Variants in ARL6IP5 observed in about 807,000 individuals in gnomAD.
ARL6IP5 encodes ARF like GTPase 6 interacting protein 5.
In ARL6IP5, 6 loss-of-function variants were observed where a neutral mutation model predicts 13.0. The observed-to-expected ratio is 0.46, with a 90% CI of 0.25 to 0.91. ARL6IP5 has a LOEUF of 0.91. Ranked by LOEUF, ARL6IP5 falls within the 40% of genes least tolerant of loss-of-function variation. The probability of loss-of-function intolerance (pLI) is 0.17; values close to 1 mark genes in which losing one functional copy is unlikely to be tolerated. For missense variants in ARL6IP5, 208 were observed against 248.8 expected (o/e 0.84, Z 1.10); for synonymous variants, 91 against 91.9 (o/e 0.99, Z 0.06).
intron 1 of ARL6IP5, among the ~76,000 whole-genome samples, chr3:69,092,510 C>T (rs1409670962): frequency 2.0e-5 from 3 of 152,188 alleles, no homozygotes; most frequent in Non-Finnish European, 2.9e-5. Context: ...CTCTCTGCAT[C>T]GCCCAAGCTG....
intron 1 of ARL6IP5, among the ~76,000 whole-genome samples, chr3:69,094,383 G>A (rs1042852737): frequency 9.9e-5 from 15 of 152,092 alleles, no homozygotes; most frequent in African/African-American, 1.4e-4. Context: ...GGCAGGCAGG[G>A]GCCAGACCCT....
intron 1 of ARL6IP5, among the ~76,000 whole-genome samples, chr3:69,092,596 A>C (rs2092271556): frequency 6.6e-6 from 1 of 152,196 alleles, no homozygotes; most frequent in Admixed American, 6.5e-5. Context: ...TTAGCCTCCA[A>C]GTAGCTGGGA....
chr3:69,093,401 T>G (rs1575859972), intron 1 of ARL6IP5, among the ~76,000 whole-genome samples: 1 of 152,222 alleles, frequency 6.6e-6, no homozygotes, highest in African/African-American at 2.4e-5. Flanking sequence ...TTTTACCTAC[T>G]GTACAGTCTC....
At chr3:69,093,313 C>T (rs889210384) in intron 1 of ARL6IP5, among the ~76,000 whole-genome samples, 3 of 152,150 alleles carry the variant, frequency 2.0e-5, no homozygotes, top group East Asian at 3.9e-4. Context: ...AATAAATCCT[C>T]TAGGCCTTCC....
intron 1 of ARL6IP5, among the ~76,000 whole-genome samples, chr3:69,100,791 A>T (rs2092302743): frequency 6.6e-6 from 1 of 151,996 alleles, no homozygotes; most frequent in Non-Finnish European, 1.5e-5. Context: ...AAATAAAAAA[A>T]AAAAAAAAAG....
At position 69,085,324 on chromosome 3, in the gene ARL6IP5, C is replaced by T. The variant is rs542239988; in HGVS notation, c.176+101C>T. ...TGTAGAGACGCTCTCTGACCACGCT[C>T]AGCGCCTGCCCTGGCAATTCTGCAA... On this transcript the variant is annotated intron_variant, in intron 1 of 2. Coordinates refer to ENST00000273258, the MANE Select transcript of ARL6IP5 (RefSeq NM_006407.4). 49 of 1,403,942 alleles carry T rather than the reference C, an allele frequency of 3.5e-5. No individual in the cohort carries two copies. In the Admixed American group the frequency reaches 7.0e-4, roughly 20 times the overall value. The allele number at this position is 1,403,942 out of a possible 1,614,324, so 87.0% of individuals were successfully genotyped here.
At position 69,101,926 on chromosome 3, in the gene ARL6IP5, C is replaced by T. The variant is rs780278878; in HGVS notation, c.264C>T (p.Asp88=). ...TTGTGTGGGCAGCCCACAATAAAGA[C>T]GTCCTTCGCCGGATGAAGAAGCGCT... ...TGFVWAAHNK[D]VLRRMKKRYP... Residue 88 remains aspartate (D), a synonymous_variant, in exon 2 of 3, where the codon GAC becomes GAT. Coordinates refer to ENST00000273258, the MANE Select transcript of ARL6IP5 (RefSeq NM_006407.4). The T allele has an allele frequency of 6.8e-6, 11 of 1,613,910 alleles. No homozygotes were observed. In the East Asian group the frequency reaches 8.9e-5, roughly 13 times the overall value.
At position 69,104,743 on chromosome 3, in the gene ARL6IP5, C is replaced by A; in HGVS notation, c.*107C>A. 8.1e-7 allele frequency: 1 copy of A among 1,228,154 alleles called. No homozygotes were observed. The highest frequency in any genetic ancestry group is 1.2e-6 in the Non-Finnish European group (1 of 855,104). The allele number at this position is 1,228,154 out of a possible 1,614,324, so 76.1% of individuals were successfully genotyped here. ...TTGAAACAGGAGGTGCACGTACCAC[C>A]CAATTATCTATGGCAGCATGCATGT... is the stretch of plus-strand genomic sequence containing the variant. On this transcript the variant is annotated 3_prime_UTR_variant, in exon 3 of 3. Coordinates refer to ENST00000273258, the MANE Select transcript of ARL6IP5 (RefSeq NM_006407.4).
chr3:69,087,187 AT>A (rs963425476), intron 1 of ARL6IP5, among the ~76,000 whole-genome samples: 1 of 151,530 alleles, frequency 6.6e-6, no homozygotes, highest in African/African-American at 2.4e-5. Context: ...AGCCTGGCTA[AT>A]TTTTTTTAGA....
chr3:69,090,320 C>T (rs1431487513), intron 1 of ARL6IP5, among the ~76,000 whole-genome samples: 1 of 152,184 alleles, frequency 6.6e-6, no homozygotes, highest in Non-Finnish European at 1.5e-5. Flanking sequence ...ATTTGTGTTG[C>T]TTCATTCATT....
intron 1 of ARL6IP5, among the ~76,000 whole-genome samples, chr3:69,088,397 C>A (rs2092254542): frequency 2.6e-5 from 4 of 152,180 alleles, no homozygotes. Flanking sequence ...ATGGTTCCAT[C>A]CCCTGCTGGT....
intron 1 of ARL6IP5, among the ~76,000 whole-genome samples, chr3:69,092,722 G>A (rs1207866142): frequency 1.3e-5 from 2 of 151,774 alleles, no homozygotes; most frequent in Admixed American, 6.6e-5. Context: ...GTTTCACCAT[G>A]TTGGCCAGGC....
chr3:69,086,107 C>A (rs1392374608), intron 1 of ARL6IP5, among the ~76,000 whole-genome samples: 2 of 152,218 alleles, frequency 1.3e-5, no homozygotes, highest in Non-Finnish European at 2.9e-5. Flanking sequence ...TTATAAAGGA[C>A]TCACTTGCAC....
intron 1 of ARL6IP5, among the ~76,000 whole-genome samples, chr3:69,095,340 T>G (rs2092283495): frequency 6.6e-6 from 1 of 151,928 alleles, no homozygotes; most frequent in African/African-American, 2.4e-5. Context: ...AATTATTTAT[T>G]GGAATTGGGT....
At chr3:69,095,782 A>C (rs557154697) in intron 1 of ARL6IP5, among the ~76,000 whole-genome samples, 1 of 152,308 alleles carries the variant, frequency 6.6e-6, no homozygotes, top group South Asian at 2.1e-4. Flanking sequence ...GTTATGATCC[A>C]CCGCACCCAG....
intron 2 of ARL6IP5, among the ~76,000 whole-genome samples, chr3:69,104,086 T>C (rs1575865848): frequency 6.6e-6 from 1 of 152,174 alleles, no homozygotes; most frequent in Admixed American, 6.5e-5. Flanking sequence ...CAAGAGTTCT[T>C]TTCTGGAAAG....
At chr3:69,098,674 G>A (rs946399241) in intron 1 of ARL6IP5, among the ~76,000 whole-genome samples, 1 of 152,176 alleles carries the variant, frequency 6.6e-6, no homozygotes, top group African/African-American at 2.4e-5. Flanking sequence ...TTACAGGCTT[G>A]AGCCACTGTA....
chr3:69,086,145 G>A (rs921067464), intron 1 of ARL6IP5, among the ~76,000 whole-genome samples: 9 of 152,188 alleles, frequency 5.9e-5, no homozygotes, highest in African/African-American at 2.2e-4. Context: ...CTATTTCAGG[G>A]CAGACGTAGA....
At chr3:69,085,403 C>T (rs2092244522) in intron 1 of ARL6IP5, among the ~76,000 whole-genome samples, 180 bp downstream of exon 1, 1 of 152,148 alleles carries the variant, frequency 6.6e-6, no homozygotes, top group Non-Finnish European at 1.5e-5. Flanking sequence ...TAACCTGGGG[C>T]CCCATTTTCT....
Sources: allele counts gnomAD v4.1 joint callset (sites outside exome capture counted in the v4.1 genomes callset), GRCh38; gene constraint gnomAD v4.1.1; transcripts MANE v1.5; gene names NCBI Gene and HGNC (gene_info 2026-07-23, HGNC 2026-07-21).